MTMR3: variants seen among roughly 807,000 people sequenced by gnomAD.
The protein encoded by MTMR3 is phosphatidylinositol-3,5-bisphosphate 3-phosphatase MTMR3.
A neutral mutation model predicts 132.4 loss-of-function variants in MTMR3; 32 were observed. That is an observed-to-expected ratio of 0.24 (90% CI 0.18 to 0.32). MTMR3 has a LOEUF of 0.32. Among genes scored for constraint, MTMR3 ranks in the 10% least tolerant of loss-of-function variants. The probability of loss-of-function intolerance (pLI) is 1.00; values close to 1 mark genes in which losing one functional copy is unlikely to be tolerated. For synonymous variants in MTMR3, 556 were observed against 550.3 expected (o/e 1.01, Z -0.14); for missense variants, 1,216 against 1,489.6 (o/e 0.82, Z 3.02).
Position 30,020,609 on chromosome 22 carries a change from T to A in MTMR3, c.2950T>A (p.Leu984Ile). 1 of 1,614,134 alleles carries A rather than the reference T, an allele frequency of 6.2e-7. No homozygotes were observed. Among genetic ancestry groups the A allele is most frequent in the Non-Finnish European group, 8.5e-7 (1 of 1,180,022 alleles). ...TGCTATGAGCTGCAGCTCTGCCCAC[T>A]TACACTCAAGGAACTTGCACCACAA... is the stretch of plus-strand genomic sequence containing the variant. ...LSAMSCSSAH[L>I]HSRNLHHKWL... Residue 984 changes from leucine to isoleucine, a missense_variant, in exon 17 of 20, where the codon TTA becomes ATA. Leu to Ile is a conservative substitution (Grantham distance 5). This residue lies in a region of MTMR3 where 852 missense variants were observed against 852.0 expected (regional missense o/e 1.00). Coordinates refer to ENST00000401950, the MANE Select transcript of MTMR3 (RefSeq NM_021090.4).
At chr22:29,945,718 G>GAAAAAAA (rs67054738) in intron 1 of MTMR3, among the ~76,000 whole-genome samples, 5 of 124,382 alleles carry the variant, frequency 4.0e-5, no homozygotes, top group African/African-American at 2.8e-5. Context: ...AAATGAAAAA[G>GAAAAAAA]AAAAAAAAAA....
At position 30,026,047 on chromosome 22, in the gene MTMR3, A is replaced by C; in HGVS notation, c.*246A>C. The C allele has an allele frequency of 4.6e-6, 2 of 430,196 alleles. No homozygotes were observed. The highest frequency in any genetic ancestry group is 2.0e-5 in the African/African-American group (1 of 49,592). 26.6% of individuals were successfully genotyped at this position (430,196 alleles called of 1,614,324 possible). On this transcript the variant is annotated 3_prime_UTR_variant, in exon 20 of 20. Transcript: ENST00000401950. The stretch of plus-strand genomic sequence containing the variant: ...AAGGAAACTTTCCCTTGGTTGTCTT[A>C]ATTTTTTTTTTTTTTGATGGAAGAC...
At chr22:29,969,395 A>C (rs1009693338) in intron 2 of MTMR3, among the ~76,000 whole-genome samples, 14 of 152,188 alleles carry the variant, frequency 9.2e-5, no homozygotes, top group South Asian at 6.2e-4. Flanking sequence ...CACCACTTCT[A>C]TCTCTACTAC....
intron 1 of MTMR3, among the ~76,000 whole-genome samples, chr22:29,892,816 A>G (rs533985048): frequency 3.3e-5 from 5 of 152,364 alleles, no homozygotes; most frequent in African/African-American, 1.2e-4. Flanking sequence ...TATATTGAAG[A>G]TGATTGCTAT....
chr22:29,956,693 A>C (rs982059043), intron 1 of MTMR3, among the ~76,000 whole-genome samples: 2 of 152,162 alleles, frequency 1.3e-5, no homozygotes, highest in African/African-American at 4.8e-5. Context: ...TTTGTAAAGT[A>C]CCTGTTCCTG....
intron 10 of MTMR3, 165 bp downstream of exon 10, chr22:30,007,484 C>G (rs2067297336): frequency 1.4e-6 from 1 of 692,898 alleles, no homozygotes; most frequent in Non-Finnish European, 2.4e-6. Context: ...GGCAGAGAAT[C>G]AGAAGACCCT....
chr22:29,997,947 C>T (rs562673796), intron 7 of MTMR3: 46 of 152,304 alleles, frequency 3.0e-4, no homozygotes, highest in African/African-American at 1.1e-3. Flanking sequence ...CTTACCTTAA[C>T]GAAAGTTTGG....
rs764001242 is a variant in MTMR3 at position 30,020,335 on chromosome 22, G to A, written c.2676G>A (p.Arg892=). 3 of 1,614,184 alleles carry A rather than the reference G, an allele frequency of 1.9e-6. No homozygotes were observed. The African/African-American group carries it at 4.0e-5, about 22-fold the overall frequency. ...CTTCAGAGACAAGCCTGGTCGAGAGGCCCCAAGTGGGGTCTGTGGTGCATA... is the reference window on the plus strand; with the variant it reads ...CTTCAGAGACAAGCCTGGTCGAGAGACCCCAAGTGGGGTCTGTGGTGCATA... ...PSPSETSLVE[R]PQVGSVVHRT... The change falls in exon 17 of 20, where the codon AGG becomes AGA. Residue 892 remains arginine (R), a synonymous_variant. Coordinates refer to ENST00000401950, the MANE Select transcript of MTMR3 (RefSeq NM_021090.4).
intron 3 of MTMR3, among the ~76,000 whole-genome samples, chr22:29,971,789 C>T (rs1251453059): frequency 6.6e-6 from 1 of 152,066 alleles, no homozygotes; most frequent in African/African-American, 2.4e-5. Context: ...ACAAGCCAGC[C>T]ACATTTTCAT....
At chr22:29,954,476 T>C (rs1284735184) in intron 1 of MTMR3, among the ~76,000 whole-genome samples, 4 of 152,112 alleles carry the variant, frequency 2.6e-5, no homozygotes, top group Non-Finnish European at 5.9e-5. Context: ...ACACTGTTTC[T>C]AACCAAGCAG....
intron 7 of MTMR3, 158 bp downstream of exon 7, chr22:29,991,828 G>C (rs1322157105): frequency 1.4e-6 from 1 of 698,918 alleles, no homozygotes; most frequent in South Asian, 3.0e-5. Flanking sequence ...AAGCTTAATA[G>C]AACATCTTTT....
intron 1 of MTMR3, among the ~76,000 whole-genome samples, chr22:29,914,827 G>T (rs980425689): frequency 3.3e-5 from 5 of 152,138 alleles, no homozygotes; most frequent in Admixed American, 3.3e-4. Context: ...CCTCTGAGCA[G>T]TGCTTCAGTT....
intron 7 of MTMR3, chr22:29,994,863 G>T (rs988407223): frequency 3.9e-5 from 6 of 152,236 alleles, no homozygotes; most frequent in Non-Finnish European, 8.8e-5. Context: ...CAACATTGCT[G>T]TTGGAGTTTA....
intron 2 of MTMR3, among the ~76,000 whole-genome samples, chr22:29,957,909 TTTG>T (rs2066231874): frequency 6.6e-6 from 1 of 152,100 alleles, no homozygotes; most frequent in Non-Finnish European, 1.5e-5. Flanking sequence ...CTTGTTCTAT[TTTG>T]TTATTAGTTG....
chr22:29,972,711 C>T (rs2066559432), intron 3 of MTMR3, among the ~76,000 whole-genome samples: 1 of 152,182 alleles, frequency 6.6e-6, no homozygotes, highest in Admixed American at 6.5e-5. Context: ...GCTAGAATTA[C>T]AGGCACCTGC....
chr22:30,020,212 A>G lies in MTMR3; in HGVS notation c.2553A>G (p.Glu851=). Reference sequence around the variant, plus strand: ...ACAGTTCTACAGACATGTTAGTGGAAGATAAGGTGAAGTCAGTAAGTGGGC... The same window carrying G: ...ACAGTTCTACAGACATGTTAGTGGAGGATAAGGTGAAGTCAGTAAGTGGGC... The part of the protein sequence containing the change: ...NVDSSTDMLV[E]DKVKSVSGPQ... The change falls in exon 17 of 20, where the codon GAA becomes GAG. Residue 851 remains glutamate (E), a synonymous_variant. Coordinates refer to ENST00000401950, the MANE Select transcript of MTMR3 (RefSeq NM_021090.4). 1 of 1,614,220 alleles carries G rather than the reference A, an allele frequency of 6.2e-7. No individual in the cohort carries two copies. Among genetic ancestry groups the G allele is most frequent in the Non-Finnish European group, 8.5e-7 (1 of 1,180,040 alleles).
At chr22:29,960,063 G>C (rs769750516) in intron 2 of MTMR3, among the ~76,000 whole-genome samples, 51 of 129,572 alleles carry the variant, frequency 3.9e-4, no homozygotes, top group Non-Finnish European at 6.8e-4. Context: ...CACTGCCCCT[G>C]GCCACGTTCT....
chr22:30,021,486 G>A (rs565599347), intron 17 of MTMR3: 50 of 159,646 alleles, frequency 3.1e-4, no homozygotes, highest in African/African-American at 1.1e-3. Context: ...TTTCCTCTCT[G>A]GGTGGACTTG....
intron 14 of MTMR3, chr22:30,014,601 T>C (rs2067526417): frequency 6.7e-6 from 1 of 150,166 alleles, no homozygotes; most frequent in African/African-American, 2.5e-5. Flanking sequence ...CTCAAACTTC[T>C]GGGATCAAGA....
Sources: allele counts gnomAD v4.1 joint callset (sites outside exome capture counted in the v4.1 genomes callset), GRCh38; gene constraint gnomAD v4.1.1; regional missense constraint gnomAD v4.1.1; transcripts MANE v1.5; gene names NCBI Gene and HGNC (gene_info 2026-07-23, HGNC 2026-07-21).